The following ITPR1 variants were observed in gnomAD, a reference collection of about 807,000 sequenced individuals.
ITPR1 encodes the protein inositol 1,4,5-trisphosphate-gated calcium channel ITPR1.
A neutral mutation model predicts 318.4 loss-of-function variants in ITPR1; 96 were observed. That is an observed-to-expected ratio of 0.30 (90% confidence interval 0.26 to 0.36). The LOEUF (loss-of-function observed/expected upper bound fraction) is 0.36. Ranked by LOEUF, ITPR1 falls within the 10% of genes least tolerant of loss-of-function variation. ITPR1 has a pLI of 1.00. For synonymous variants in ITPR1, 1,312 were observed against 1,289.9 expected (o/e 1.02, Z -0.37); for missense variants, 2,440 against 3,460.2 (o/e 0.71, Z 7.40).
In ITPR1 at chr3:4,834,833, G is replaced by A. The variant is rs539200630; in HGVS notation, c.8029-1941G>A. On this transcript the variant is annotated intron_variant, in intron 60 of 61. Coordinates refer to ENST00000649015, the MANE Select transcript of ITPR1 (RefSeq NM_001378452.1). Reference sequence around the variant, plus strand: ...GATCTTTTGCCCATTGCTCTGTGGTGGGAAATTGATGAATATAAGCTAATG... The same window carrying A: ...GATCTTTTGCCCATTGCTCTGTGGTAGGAAATTGATGAATATAAGCTAATG... Among the ~76,000 whole-genome samples, 42 of 152,278 alleles carry A rather than the reference G, an allele frequency of 2.8e-4. 1 individual carries two copies. Among genetic ancestry groups the A allele is most frequent in the Admixed American group, 2.3e-3 (35 of 15,294 alleles).
intron 11 of ITPR1, 115 bp from the exon 12 acceptor site, chr3:4,653,727 G>C (rs1230244771): frequency 1.5e-6 from 1 of 688,084 alleles, no homozygotes; most frequent in Non-Finnish European, 2.6e-6. Flanking sequence ...AGAGGGAATG[G>C]ACAAGTTCTT....
intron 4 of ITPR1, among the ~76,000 whole-genome samples, chr3:4,617,157 C>A (rs1380436519): frequency 1.3e-5 from 2 of 152,114 alleles, no homozygotes; most frequent in African/African-American, 4.8e-5. Context: ...TGTGAGCATT[C>A]ATCAGCAGTG....
chr3:4,845,728 G>A (rs907184627), intron 61 of ITPR1, among the ~76,000 whole-genome samples: 2 of 152,070 alleles, frequency 1.3e-5, no homozygotes, highest in African/African-American at 4.8e-5. Context: ...GTGTGGACAC[G>A]AACCCTCCCT....
chr3:4,632,527 C>T (rs2093045859), intron 5 of ITPR1, among the ~76,000 whole-genome samples: 1 of 152,136 alleles, frequency 6.6e-6, no homozygotes, highest in South Asian at 2.1e-4. Flanking sequence ...GCTGCCACGT[C>T]TTCCACTTTT....
At position 4,562,793 on chromosome 3, in the gene ITPR1, T is replaced by A. The variant is rs537248760; in HGVS notation, c.163+41699T>A. Among the ~76,000 whole-genome samples, 6 of 151,032 alleles carry A rather than the reference T, an allele frequency of 4.0e-5. No individual in the cohort carries two copies. The East Asian group carries it at 1.2e-3, about 30-fold the overall frequency. On this transcript the variant is annotated intron_variant, in intron 4 of 61. Coordinates refer to ENST00000649015, the MANE Select transcript of ITPR1 (RefSeq NM_001378452.1). ...ACCATGCTAAGCACTGGAGATAGTG[T>A]TGAGTGAGACAAATGTAGTCTCTGC... is the stretch of plus-strand genomic sequence containing the variant.
At chr3:4,787,866 C>A in intron 51 of ITPR1, 81 bp from the exon 52 acceptor site, 1 of 951,980 alleles carries the variant, frequency 1.1e-6, no homozygotes, top group East Asian at 2.7e-5. Context: ...TCTTGACCAC[C>A]GAGTCTACCA....
intron 20 of ITPR1, among the ~76,000 whole-genome samples, chr3:4,672,726 T>C (rs1284873876): frequency 6.6e-6 from 1 of 152,200 alleles, no homozygotes; most frequent in Non-Finnish European, 1.5e-5. Context: ...AGGCTGAATA[T>C]GTGTGATATC....
chr3:4,805,071 T>C (rs947406046), intron 54 of ITPR1, among the ~76,000 whole-genome samples: 4 of 152,180 alleles, frequency 2.6e-5, no homozygotes, highest in Non-Finnish European at 4.4e-5. Flanking sequence ...GTAGTTCAGT[T>C]AGGACTCCTT....
chr3:4,822,050 A>T (rs1026962157), intron 60 of ITPR1, among the ~76,000 whole-genome samples: 2 of 152,162 alleles, frequency 1.3e-5, no homozygotes, highest in Admixed American at 6.5e-5. Flanking sequence ...CCAAGGTGAG[A>T]GTTTCCGCTC....
chr3:4,651,225 C>T (rs2093591211), intron 10 of ITPR1, among the ~76,000 whole-genome samples: 1 of 152,178 alleles, frequency 6.6e-6, no homozygotes, highest in Admixed American at 6.5e-5. Context: ...AGGGTCTTGC[C>T]TTATGCATAT....
chr3:4,779,689 C>A lies in ITPR1; in HGVS notation c.6387+44C>A, dbSNP rs148711783. 4.4e-6 allele frequency: 6 copies of A among 1,369,654 alleles called. No individual in the cohort carries two copies. Among genetic ancestry groups the A allele is most frequent in the South Asian group, 1.2e-5 (1 of 85,730 alleles). The allele number at this position is 1,369,654 out of a possible 1,614,324, so 84.8% of individuals were successfully genotyped here. A position where few individuals can be genotyped will look rare whatever the true frequency, so the allele number is the denominator to read the frequency against. ...CTGATGGTAGCACCAAGGAGCATTGCGACGATATTTGGGACAGAGCAGAGG... is the reference window on the plus strand; with the variant it reads ...CTGATGGTAGCACCAAGGAGCATTGAGACGATATTTGGGACAGAGCAGAGG... On this transcript the variant is annotated intron_variant, in intron 49 of 61. Transcript: ENST00000649015. The surrounding 1 kb of genome is among the most constrained non-coding windows in gnomAD (Gnocchi z 4.0).
intron 60 of ITPR1, among the ~76,000 whole-genome samples, chr3:4,824,533 C>T (rs1169719998): frequency 6.6e-6 from 1 of 152,168 alleles, no homozygotes; most frequent in Non-Finnish European, 1.5e-5. Flanking sequence ...TGTCAGTCTG[C>T]AGCCATTGGC....
intron 4 of ITPR1, among the ~76,000 whole-genome samples, chr3:4,623,320 A>G (rs998341756): frequency 2.6e-5 from 4 of 152,210 alleles, no homozygotes; most frequent in African/African-American, 9.7e-5. Flanking sequence ...CCCTTTATTC[A>G]GCTGCATTCT....
At chr3:4,539,558 A>G (rs550892429) in intron 4 of ITPR1, among the ~76,000 whole-genome samples, 1 of 152,260 alleles carries the variant, frequency 6.6e-6, no homozygotes, top group East Asian at 1.9e-4. Flanking sequence ...TGTATATGTT[A>G]AAACTCATAG....
At chr3:4,588,251 T>C (rs2090088415) in intron 4 of ITPR1, among the ~76,000 whole-genome samples, 1 of 152,206 alleles carries the variant, frequency 6.6e-6, no homozygotes, top group Non-Finnish European at 1.5e-5. Flanking sequence ...CTTGTTCTCT[T>C]CCTGACCCTA....
At chr3:4,651,536 A>G (rs9871670) in intron 10 of ITPR1, among the ~76,000 whole-genome samples, 150,250 of 152,356 alleles carry the variant, frequency 0.99, 74,119 homozygotes, top group East Asian at 1. Context: ...GTTGTCCAAC[A>G]TGTGAACACA....
chr3:4,833,667 G>C (rs1245634540), intron 60 of ITPR1, among the ~76,000 whole-genome samples: 1 of 152,198 alleles, frequency 6.6e-6, no homozygotes, highest in Admixed American at 6.5e-5. Flanking sequence ...AGTCCAAGCT[G>C]CTCCTGCCTG....
chr3:4,711,896 C>G (rs2125283216), intron 39 of ITPR1, 28 bp downstream of exon 39: 1 of 1,226,934 alleles, frequency 8.2e-7, no homozygotes, highest in Non-Finnish European at 1.1e-6. Context: ...CATGGTCAAA[C>G]CAGGTTTTAC....
intron 57 of ITPR1, among the ~76,000 whole-genome samples, 154 bp downstream of exon 57, chr3:4,813,388 AAAG>A (rs1404989395): frequency 5.9e-5 from 9 of 152,240 alleles, no homozygotes; most frequent in African/African-American, 1.7e-4. Flanking sequence ...GATGAAGGGA[AAAG>A]AAGGTTACAC....
Sources: gnomAD v4.1 joint callset for allele counts (sites outside exome capture counted in the v4.1 genomes callset) on GRCh38, gnomAD v4.1.1 for gene constraint, Gnocchi (gnomAD v3.1) non-coding constraint, MANE v1.5 for transcripts, NCBI Gene and HGNC (gene_info 2026-07-23, HGNC 2026-07-21) for gene names.